ZMAT4: variants seen among roughly 807,000 people sequenced by gnomAD.
The protein encoded by ZMAT4 is zinc finger matrin-type protein 4.
Under a neutral mutation model 28.7 loss-of-function variants are expected in ZMAT4, and 17 were observed. That is an observed-to-expected ratio of 0.59 (90% CI 0.41 to 0.89). ZMAT4 has a LOEUF of 0.89. ZMAT4 is among the 40% of genes least tolerant of loss of function. The pLI, the probability that ZMAT4 is intolerant of heterozygous loss-of-function variation, is 0.00. For synonymous variants in ZMAT4, 117 were observed against 109.2 expected (o/e 1.07, Z -0.44); for missense variants, 240 against 283.8 (o/e 0.85, Z 1.11).
At chr8:40,624,904 G>A (rs1054987347) in intron 5 of ZMAT4, among the ~76,000 whole-genome samples, 1 of 152,210 alleles carries the variant, frequency 6.6e-6, no homozygotes, top group Non-Finnish European at 1.5e-5. Context: ...AGCTTAGCAT[G>A]TGATGGGTGG....
intron 2 of ZMAT4, among the ~76,000 whole-genome samples, chr8:40,782,429 AG>A (rs1175876366): frequency 2.6e-5 from 4 of 152,196 alleles, no homozygotes; most frequent in Non-Finnish European, 5.9e-5. Flanking sequence ...AAAAACAAAA[AG>A]AAAGTGAAAA....
intron 5 of ZMAT4, among the ~76,000 whole-genome samples, chr8:40,589,716 C>T (rs1039209844): frequency 1.4e-5 from 2 of 138,378 alleles, no homozygotes; most frequent in African/African-American, 2.6e-5. Context: ...CTTCTTCCTT[C>T]TTCCTTCTTC....
chr8:40,767,652 G>A lies in ZMAT4; in HGVS notation c.181C>T (p.Arg61Trp), dbSNP rs557880154. ...RDGGCPAKRLRSENGSDADMV... is the reference protein window; with the variant it reads ...RDGGCPAKRLWSENGSDADMV... ...TACCAGATACTCACATTTTCTGACC[G>A]GAGCCTCTTGGCAGGACACCCTCCA... Residue 61 changes from arginine (R) to tryptophan (W), a missense_variant, in exon 3 of 7, where the codon CGG (arginine) becomes TGG (tryptophan). Coordinates refer to ENST00000297737, the MANE Select transcript of ZMAT4 (RefSeq NM_024645.3). 2 of 1,612,336 alleles carry A rather than the reference G, an allele frequency of 1.2e-6. No homozygotes were observed. Among genetic ancestry groups the A allele is most frequent in the East Asian group, 2.2e-5 (1 of 44,824 alleles).
intron 5 of ZMAT4, among the ~76,000 whole-genome samples, chr8:40,623,888 T>C (rs1034387126): frequency 3.3e-5 from 5 of 152,200 alleles, no homozygotes; most frequent in Admixed American, 6.5e-5. Context: ...TTTCTGTGAC[T>C]AGTGGCCCTT....
intron 6 of ZMAT4, among the ~76,000 whole-genome samples, chr8:40,564,804 A>T (rs1189778656): frequency 6.6e-6 from 1 of 152,170 alleles, no homozygotes; most frequent in Non-Finnish European, 1.5e-5. Flanking sequence ...AAGAAAGACC[A>T]TTAATTGTTG....
chr8:40,843,049 T>C (rs754918685), intron 1 of ZMAT4, among the ~76,000 whole-genome samples: 2 of 152,178 alleles, frequency 1.3e-5, no homozygotes, highest in Non-Finnish European at 2.9e-5. Flanking sequence ...AGTGCTGGGA[T>C]TACAGGCATA....
At chr8:40,562,410 C>G (rs1041681620) in intron 6 of ZMAT4, among the ~76,000 whole-genome samples, 1 of 152,102 alleles carries the variant, frequency 6.6e-6, no homozygotes, top group Admixed American at 6.6e-5. Flanking sequence ...GCACTTTTGA[C>G]CCAACATGTC....
At chr8:40,893,845 C>G (rs147056926) in intron 1 of ZMAT4, among the ~76,000 whole-genome samples, 35 of 152,230 alleles carry the variant, frequency 2.3e-4, no homozygotes, top group African/African-American at 7.7e-4. Flanking sequence ...CAGGTAGGCC[C>G]CTATTGTTCC....
chr8:40,656,216 T>A (rs1270976837), intron 5 of ZMAT4, among the ~76,000 whole-genome samples: 1 of 151,968 alleles, frequency 6.6e-6, no homozygotes, highest in Non-Finnish European at 1.5e-5. Flanking sequence ...TCATTAGCCA[T>A]CAGGAAAAAA....
intron 2 of ZMAT4, among the ~76,000 whole-genome samples, chr8:40,768,191 C>G (rs1316313765): frequency 6.6e-6 from 1 of 152,150 alleles, no homozygotes; most frequent in Non-Finnish European, 1.5e-5. Flanking sequence ...CTCCCACACA[C>G]AGACTTCATT....
intron 2 of ZMAT4, among the ~76,000 whole-genome samples, chr8:40,822,953 G>A (rs777988310): frequency 1.3e-5 from 2 of 152,286 alleles, no homozygotes; most frequent in African/African-American, 4.8e-5. Context: ...GTGCAACAGC[G>A]AGGGTACAGT....
chr8:40,543,264 T>C (rs371285416), intron 6 of ZMAT4, among the ~76,000 whole-genome samples: 4 of 152,256 alleles, frequency 2.6e-5, no homozygotes, highest in African/African-American at 4.8e-5. Context: ...CGGAAGAGGA[T>C]AGAGAAAGCC....
At chr8:40,835,084 C>A (rs939557810) in intron 1 of ZMAT4, among the ~76,000 whole-genome samples, 2 of 152,252 alleles carry the variant, frequency 1.3e-5, no homozygotes, top group South Asian at 4.1e-4. Flanking sequence ...CCAGTCACAG[C>A]GGGCCCAAAG....
chr8:40,854,786 C>T lies in ZMAT4; in HGVS notation c.-4-29106G>A, dbSNP rs144273662. Among the ~76,000 whole-genome samples the T allele has an allele frequency of 5.6e-3, 851 of 152,164 alleles. 3 individuals are homozygous for T. The highest frequency in any genetic ancestry group is 0.019 in the African/African-American group (808 of 41,512). ...AGTACGGAAGGGAAAGGCAAAAGCC[C>T]CTGCCTGGGTACTGGTAGTGGTCAA... On this transcript the variant is annotated intron_variant, in intron 1 of 6. Coordinates refer to ENST00000297737, the MANE Select transcript of ZMAT4 (RefSeq NM_024645.3).
At chr8:40,735,360 C>T (rs907298118) in intron 3 of ZMAT4, among the ~76,000 whole-genome samples, 4 of 152,100 alleles carry the variant, frequency 2.6e-5, no homozygotes, top group African/African-American at 4.8e-5. Flanking sequence ...AATATTTTCT[C>T]TTTATAGGAC....
chr8:40,679,528 T>C (rs1307596923), intron 4 of ZMAT4, among the ~76,000 whole-genome samples: 1 of 151,934 alleles, frequency 6.6e-6, no homozygotes, highest in East Asian at 1.9e-4. Flanking sequence ...GAAGGAGAAA[T>C]GCCAAGCAAA....
chr8:40,742,282 T>C (rs1044270463), intron 3 of ZMAT4, among the ~76,000 whole-genome samples: 1 of 151,462 alleles, frequency 6.6e-6, no homozygotes, highest in Non-Finnish European at 1.5e-5. Flanking sequence ...TTACTGATAA[T>C]GTAACCCCAA....
intron 5 of ZMAT4, among the ~76,000 whole-genome samples, chr8:40,608,887 T>C (rs1805695289): frequency 6.6e-6 from 1 of 152,180 alleles, no homozygotes; most frequent in Admixed American, 6.5e-5. Flanking sequence ...AGGGGCAGAC[T>C]TTCCCCCTTT....
intron 2 of ZMAT4, among the ~76,000 whole-genome samples, chr8:40,775,059 T>C (rs1362629354): frequency 6.6e-6 from 1 of 152,212 alleles, no homozygotes; most frequent in African/African-American, 2.4e-5. Context: ...ACAGAGATTA[T>C]ATCTGTTGGT....
Sources: gnomAD v4.1 joint callset for allele counts (sites outside exome capture counted in the v4.1 genomes callset) on GRCh38, gnomAD v4.1.1 for gene constraint, MANE v1.5 for transcripts, NCBI Gene and HGNC (gene_info 2026-07-23, HGNC 2026-07-21) for gene names.